CA10: variants seen among roughly 807,000 people sequenced by gnomAD.
CA10 encodes the protein carbonic anhydrase-related protein 10.
CA10 carries 14 observed loss-of-function variants against 44.2 expected under a neutral mutation model. The ratio of observed to expected loss-of-function variants is 0.32; its 90% CI spans 0.21 to 0.50. The LOEUF is 0.50. Among genes scored for constraint, CA10 ranks in the 20% least tolerant of loss-of-function variants. The pLI is 0.99. For synonymous variants in CA10, 159 were observed against 141.6 expected (o/e 1.12, Z -0.87); for missense variants, 350 against 409.7 (o/e 0.85, Z 1.26).
intron 4 of CA10, among the ~76,000 whole-genome samples, chr17:51,683,839 A>C (rs1914922886): frequency 6.6e-6 from 1 of 152,146 alleles, no homozygotes; most frequent in African/African-American, 2.4e-5. Context: ...ATGAATATTA[A>C]TAGGACCACC....
chr17:51,883,134 T>C (rs1415880357), intron 3 of CA10, among the ~76,000 whole-genome samples: 1 of 152,210 alleles, frequency 6.6e-6, no homozygotes, highest in Non-Finnish European at 1.5e-5. Context: ...CCTTAGCACT[T>C]TGGAGTAAAC....
At chr17:51,671,461 G>C (rs1483668901) in intron 4 of CA10, among the ~76,000 whole-genome samples, 2 of 152,120 alleles carry the variant, frequency 1.3e-5, no homozygotes, top group African/African-American at 4.8e-5. Context: ...CTGGAGTGCA[G>C]TGGTGCGATC....
chr17:51,896,210 G>C (rs557463351), intron 3 of CA10, among the ~76,000 whole-genome samples: 1 of 151,928 alleles, frequency 6.6e-6, no homozygotes, highest in African/African-American at 2.4e-5. Context: ...CATAGTACCC[G>C]GCAGGTAGTT....
intron 3 of CA10, among the ~76,000 whole-genome samples, chr17:51,811,234 A>C (rs1348285417): frequency 6.6e-6 from 1 of 152,090 alleles, no homozygotes; most frequent in Non-Finnish European, 1.5e-5. Flanking sequence ...AAAAGCATGA[A>C]CATCATCCAC....
At chr17:52,032,097 A>G (rs916689568) in intron 2 of CA10, among the ~76,000 whole-genome samples, 3 of 152,144 alleles carry the variant, frequency 2.0e-5, no homozygotes, top group African/African-American at 7.2e-5. Flanking sequence ...ACAAACTAAA[A>G]TGCACAATTC....
intron 3 of CA10, among the ~76,000 whole-genome samples, chr17:51,749,390 T>G (rs1455482630): frequency 6.6e-6 from 1 of 152,170 alleles, no homozygotes; most frequent in East Asian, 1.9e-4. Flanking sequence ...GCCGTGAAAC[T>G]ACCATGCAAA....
At chr17:51,751,321 TAA>T (rs1316071181) in intron 3 of CA10, among the ~76,000 whole-genome samples, 2 of 152,058 alleles carry the variant, frequency 1.3e-5, no homozygotes, top group African/African-American at 2.4e-5. Context: ...TTTTGCAAAA[TAA>T]AAAGAGTTCT....
chr17:51,675,981 G>A (rs572316477), intron 4 of CA10, among the ~76,000 whole-genome samples: 1 of 152,228 alleles, frequency 6.6e-6, no homozygotes, highest in Non-Finnish European at 1.5e-5. Context: ...GAAGCACCGT[G>A]ATGCTTGTAA....
intron 4 of CA10, among the ~76,000 whole-genome samples, chr17:51,744,974 G>A (rs1904623860): frequency 6.6e-6 from 1 of 152,178 alleles, no homozygotes; most frequent in Non-Finnish European, 1.5e-5. Context: ...AATGTGATAC[G>A]ATGACTGCAT....
At chr17:51,834,452 T>C (rs1448963285) in intron 3 of CA10, among the ~76,000 whole-genome samples, 1 of 152,194 alleles carries the variant, frequency 6.6e-6, no homozygotes, top group African/African-American at 2.4e-5. Flanking sequence ...ACAATGGCAA[T>C]TACTTAGAAG....
chr17:51,897,065 T>TA (rs144568937), intron 3 of CA10, among the ~76,000 whole-genome samples: 334 of 152,316 alleles, frequency 2.2e-3, no homozygotes, highest in Non-Finnish European at 4.2e-3. Context: ...TTAGAAGCCC[T>TA]TTAGTTTAAT....
At chr17:51,960,493 AAAC>A (rs1292448613) in intron 2 of CA10, among the ~76,000 whole-genome samples, 1 of 152,212 alleles carries the variant, frequency 6.6e-6, no homozygotes, top group Non-Finnish European at 1.5e-5. Flanking sequence ...AAAATATTGA[AAAC>A]AACAAGTAAA....
intron 4 of CA10, among the ~76,000 whole-genome samples, chr17:51,697,375 C>A (rs1420769956): frequency 6.6e-6 from 1 of 152,206 alleles, no homozygotes; most frequent in Admixed American, 6.5e-5. Flanking sequence ...TGGGCAAGTG[C>A]CTGCCTCAGG....
intron 1 of CA10, among the ~76,000 whole-genome samples, chr17:52,099,615 G>A (rs1043116395): frequency 6.6e-6 from 1 of 152,168 alleles, no homozygotes; most frequent in African/African-American, 2.4e-5. Flanking sequence ...CCACATGTTG[G>A]TGGCAAGCTG....
chr17:51,637,342 T>C (rs989686547), intron 6 of CA10, among the ~76,000 whole-genome samples: 1 of 152,178 alleles, frequency 6.6e-6, no homozygotes, highest in Non-Finnish European at 1.5e-5. Flanking sequence ...CTCATCTACA[T>C]CCATGGCTTC....
chr17:52,045,417 A>C (rs756785497), intron 2 of CA10, among the ~76,000 whole-genome samples: 8 of 152,078 alleles, frequency 5.3e-5, no homozygotes, highest in Admixed American at 1.3e-4. Flanking sequence ...TAAATATGAA[A>C]GATTTTTCTC....
At chr17:51,894,068 G>A (rs1361779629) in intron 3 of CA10, among the ~76,000 whole-genome samples, 2 of 152,166 alleles carry the variant, frequency 1.3e-5, no homozygotes, top group Non-Finnish European at 2.9e-5. Context: ...GGGAGCTTGT[G>A]TTTGGCAGAT....
chr17:52,121,739 G>A (rs1234628999), intron 1 of CA10, among the ~76,000 whole-genome samples: 2 of 151,796 alleles, frequency 1.3e-5, no homozygotes, highest in African/African-American at 2.4e-5. Flanking sequence ...ACTGCTAGAA[G>A]GCACTAGGTC....
intron 4 of CA10, among the ~76,000 whole-genome samples, chr17:51,710,947 T>G (rs1193190207): frequency 7.7e-6 from 1 of 129,214 alleles, no homozygotes; most frequent in Non-Finnish European, 1.6e-5. Context: ...TTTTTTTTGC[T>G]TCACTGACAA....
Sources: gnomAD v4.1 joint callset for allele counts (sites outside exome capture counted in the v4.1 genomes callset) on GRCh38, gnomAD v4.1.1 for gene constraint, MANE v1.5 for transcripts, NCBI Gene and HGNC (gene_info 2026-07-23, HGNC 2026-07-21) for gene names.